TENM2: variants seen among roughly 807,000 people sequenced by gnomAD.
TENM2 encodes teneurin-2.
A neutral mutation model predicts 245.2 loss-of-function variants in TENM2; 52 were observed. The ratio of observed to expected loss-of-function variants is 0.21; its 90% CI spans 0.17 to 0.27. TENM2 has a LOEUF of 0.27. Ranked by LOEUF, TENM2 falls within the 10% of genes least tolerant of loss-of-function variation. The pLI is 1.00. For missense variants in TENM2, 3,046 were observed against 3,666.8 expected (o/e 0.83, Z 4.37); for synonymous variants, 1,363 against 1,438.9 (o/e 0.95, Z 1.19).
chr5:168,124,157 G>A (rs1458936535), intron 10 of TENM2, among the ~76,000 whole-genome samples: 1 of 152,224 alleles, frequency 6.6e-6, no homozygotes, highest in East Asian at 1.9e-4. Flanking sequence ...CTCAGCCAGA[G>A]ATAGCCATCC....
chr5:167,872,524 G>GAA (rs1222725868), intron 2 of TENM2, among the ~76,000 whole-genome samples: 13 of 51,400 alleles, frequency 2.5e-4, no homozygotes, highest in African/African-American at 6.2e-4. Flanking sequence ...AAGAAAGAAA[G>GAA]AAAGAAAGAA....
intron 13 of TENM2, among the ~76,000 whole-genome samples, chr5:168,174,925 T>G (rs1404196898): frequency 6.6e-6 from 1 of 152,154 alleles, no homozygotes; most frequent in Non-Finnish European, 1.5e-5. Context: ...GAGAGAGCAG[T>G]GGTAGCTGGC....
At chr5:167,366,256 T>A (rs1410505093) in intron 1 of TENM2, among the ~76,000 whole-genome samples, 1 of 152,080 alleles carries the variant, frequency 6.6e-6, no homozygotes, top group Non-Finnish European at 1.5e-5. Context: ...TGTATTTATG[T>A]CAACCTATTT....
intron 5 of TENM2, among the ~76,000 whole-genome samples, chr5:168,006,167 C>A (rs930427912): frequency 6.6e-6 from 1 of 152,182 alleles, no homozygotes; most frequent in African/African-American, 2.4e-5. Context: ...CTGTTCACAG[C>A]CCTGTCCCCA....
At chr5:167,551,610 A>C (rs1437724668) in intron 2 of TENM2, among the ~76,000 whole-genome samples, 1 of 152,176 alleles carries the variant, frequency 6.6e-6, no homozygotes, top group Non-Finnish European at 1.5e-5. Flanking sequence ...ACATACATAC[A>C]TACACACACA....
the TENM2 span, among the ~76,000 whole-genome samples, chr5:167,229,856 G>A: frequency 1.7e-4 from 26 of 152,310 alleles, no homozygotes; most frequent in African/African-American, 6.3e-4. Flanking sequence ...CTGCTACAAG[G>A]GAGGGCAGGA....
chr5:167,799,547 A>T (rs993661513), intron 2 of TENM2, among the ~76,000 whole-genome samples: 1 of 152,234 alleles, frequency 6.6e-6, no homozygotes, highest in African/African-American at 2.4e-5. Flanking sequence ...AAGGTACATG[A>T]TAAAATGAAA....
At chr5:168,252,058 G>A (rs993505466) in intron 27 of TENM2, among the ~76,000 whole-genome samples, 6 of 152,326 alleles carry the variant, frequency 3.9e-5, no homozygotes, top group Non-Finnish European at 4.4e-5. Flanking sequence ...TACCTGTGAT[G>A]AAAAGATATG....
At chr5:167,350,463 T>C (rs1475123046) in intron 1 of TENM2, among the ~76,000 whole-genome samples, 1 of 148,928 alleles carries the variant, frequency 6.7e-6, no homozygotes, top group Non-Finnish European at 1.5e-5. Context: ...GTCCCATATA[T>C]ATGGGGTATA....
chr5:167,896,361 A>G (rs931779213), intron 3 of TENM2, among the ~76,000 whole-genome samples: 13 of 152,294 alleles, frequency 8.5e-5, no homozygotes, highest in East Asian at 1.9e-4. Flanking sequence ...AGCAGAGGGG[A>G]ATGACTGGAT....
intron 2 of TENM2, among the ~76,000 whole-genome samples, chr5:167,722,416 A>G (rs538589861): frequency 6.6e-6 from 1 of 152,350 alleles, no homozygotes; most frequent in South Asian, 2.1e-4. Flanking sequence ...AGATGGATAC[A>G]TAGATATAGG....
chr5:167,483,430 G>T (rs1316810969), intron 2 of TENM2, among the ~76,000 whole-genome samples: 1 of 152,168 alleles, frequency 6.6e-6, no homozygotes, highest in South Asian at 2.1e-4. Context: ...TTCTGTGTGG[G>T]TATGTGTGTG....
In TENM2 at chr5:168,135,507, C is replaced by T. The variant is rs1267122070; in HGVS notation, c.2422+8541C>T. Among the ~76,000 whole-genome samples, 3 of 152,182 alleles carry T rather than the reference C, an allele frequency of 2.0e-5. No individual in the cohort carries two copies. In the East Asian group the frequency reaches 5.8e-4, roughly 29 times the overall value. ...ATTGCTTGCTTCTTTATCCTTTTCA[C>T]CATGCACTTATATGCATTGTTATAA... On this transcript the variant is annotated intron_variant, in intron 12 of 28. Coordinates refer to ENST00000518659, the Ensembl canonical transcript of TENM2.
At chr5:167,418,235 G>A (rs1417407767) in intron 2 of TENM2, among the ~76,000 whole-genome samples, 7 of 151,866 alleles carry the variant, frequency 4.6e-5, no homozygotes, top group East Asian at 3.9e-4. Context: ...AGGCTGAGGC[G>A]GGAGAATTGC....
chr5:167,739,264 T>C (rs1417627725), intron 2 of TENM2, among the ~76,000 whole-genome samples: 1 of 152,208 alleles, frequency 6.6e-6, no homozygotes, highest in Non-Finnish European at 1.5e-5. Flanking sequence ...TTCTTTATTC[T>C]ACAAAATAAA....
At chr5:167,507,888 A>G (rs1459986639) in intron 2 of TENM2, among the ~76,000 whole-genome samples, 1 of 151,016 alleles carries the variant, frequency 6.6e-6, no homozygotes, top group Non-Finnish European at 1.5e-5. Flanking sequence ...TGTAGATTTT[A>G]TTTTTCTTTC....
chr5:167,390,014 C>T (rs1761661449), intron 2 of TENM2, among the ~76,000 whole-genome samples: 1 of 151,848 alleles, frequency 6.6e-6, no homozygotes, highest in African/African-American at 2.4e-5. Context: ...CTACAGTGAT[C>T]CCAGATCAAT....
intron 2 of TENM2, among the ~76,000 whole-genome samples, chr5:167,858,734 C>T (rs1337788775): frequency 6.6e-6 from 1 of 150,734 alleles, no homozygotes; most frequent in Non-Finnish European, 1.5e-5. Context: ...CGACCGCAGC[C>T]GCCGCCGCCC....
At chr5:168,250,222 G>A (rs371270626) in intron 27 of TENM2, among the ~76,000 whole-genome samples, 16 of 152,088 alleles carry the variant, frequency 1.1e-4, no homozygotes, top group African/African-American at 3.9e-4. Context: ...GTGGGTGAAT[G>A]GATGGATGGG....
Sources: allele counts gnomAD v4.1 joint callset (sites outside exome capture counted in the v4.1 genomes callset), GRCh38; gene constraint gnomAD v4.1.1; transcripts MANE v1.5; gene names NCBI Gene and HGNC (gene_info 2026-07-23, HGNC 2026-07-21).